The following AGBL4 variants were observed in gnomAD, a reference collection of about 807,000 sequenced individuals.
AGBL4 encodes the protein AGBL carboxypeptidase 4.
In AGBL4, 58 loss-of-function variants were observed where a neutral mutation model predicts 66.4. The observed-to-expected ratio is 0.87, with a 90% CI of 0.71 to 1.09. The LOEUF is 1.09. Among genes scored for constraint, AGBL4 ranks in the 50% least tolerant of loss-of-function variants. The pLI, the probability that AGBL4 is intolerant of heterozygous loss-of-function variation, is 0.00. For missense variants in AGBL4, 579 were observed against 631.0 expected (o/e 0.92, Z 0.88); for synonymous variants, 234 against 222.9 (o/e 1.05, Z -0.44).
chr1:49,779,013 A>G (rs1488687480), intron 2 of AGBL4, among the ~76,000 whole-genome samples: 1 of 152,200 alleles, frequency 6.6e-6, no homozygotes, highest in Non-Finnish European at 1.5e-5. Flanking sequence ...TCAGAGCACT[A>G]CCAAAACATA....
chr1:48,529,713 A>G (rs1284398226), downstream of AGBL4, among the ~76,000 whole-genome samples: 1 of 152,152 alleles, frequency 6.6e-6, no homozygotes, highest in Non-Finnish European at 1.5e-5. Flanking sequence ...CTTATTTCGC[A>G]TACCCCAGAT....
chr1:48,894,314 T>G (rs1264968977), intron 5 of AGBL4, among the ~76,000 whole-genome samples: 1 of 152,176 alleles, frequency 6.6e-6, no homozygotes, highest in Non-Finnish European at 1.5e-5. Flanking sequence ...CAACCTTTCA[T>G]CTAAGATGAA....
At chr1:49,071,037 G>T (rs1244913624) in intron 4 of AGBL4, among the ~76,000 whole-genome samples, 1 of 151,948 alleles carries the variant, frequency 6.6e-6, no homozygotes, top group African/African-American at 2.4e-5. Flanking sequence ...GCATAGAGGT[G>T]TTTATAGTAT....
intron 4 of AGBL4, among the ~76,000 whole-genome samples, chr1:49,159,461 G>T (rs1289674648): frequency 6.6e-6 from 1 of 152,224 alleles, no homozygotes; most frequent in East Asian, 1.9e-4. Context: ...TCCCTTTGTG[G>T]GTAACCCGAC....
chr1:48,598,501 G>T (rs1039173721), intron 9 of AGBL4, among the ~76,000 whole-genome samples: 1 of 152,090 alleles, frequency 6.6e-6, no homozygotes, highest in East Asian at 2.0e-4. Flanking sequence ...ATGAGGCCAG[G>T]CATGGTGGCT....
intron 3 of AGBL4, among the ~76,000 whole-genome samples, chr1:49,336,139 A>C (rs892928201): frequency 6.6e-6 from 1 of 152,178 alleles, no homozygotes; most frequent in Non-Finnish European, 1.5e-5. Context: ...TCCAAGTCTG[A>C]AAACCTGAGA....
At chr1:48,639,551 T>C (rs2148421853) in intron 8 of AGBL4, among the ~76,000 whole-genome samples, 1 of 152,352 alleles carries the variant, frequency 6.6e-6, no homozygotes, top group Non-Finnish European at 1.5e-5. Context: ...TAAGGGACTT[T>C]GGAGAAAGCA....
intron 6 of AGBL4, among the ~76,000 whole-genome samples, chr1:48,769,913 C>G (rs907048187): frequency 6.6e-6 from 1 of 152,210 alleles, no homozygotes; most frequent in Non-Finnish European, 1.5e-5. Flanking sequence ...AAAGCCTGTC[C>G]TCTTTCAGCT....
intron 9 of AGBL4, among the ~76,000 whole-genome samples, chr1:48,618,146 A>T (rs1308020487): frequency 6.6e-6 from 1 of 152,214 alleles, no homozygotes; most frequent in East Asian, 1.9e-4. Context: ...AGATGGGAAG[A>T]TCGCTTGAGC....
intron 4 of AGBL4, among the ~76,000 whole-genome samples, chr1:49,150,832 A>C (rs1646313239): frequency 6.6e-6 from 1 of 152,130 alleles, no homozygotes; most frequent in Non-Finnish European, 1.5e-5. Context: ...CATGTAACTG[A>C]AAGTTTGTTT....
chr1:48,675,317 G>A (rs1646347572), intron 6 of AGBL4, among the ~76,000 whole-genome samples: 2 of 152,176 alleles, frequency 1.3e-5, no homozygotes, highest in Admixed American at 6.5e-5. Flanking sequence ...GCTCAAGGAT[G>A]GGGGAAATTC....
intron 3 of AGBL4, among the ~76,000 whole-genome samples, chr1:49,659,272 C>T (rs1174328633): frequency 6.6e-6 from 1 of 152,056 alleles, no homozygotes; most frequent in Non-Finnish European, 1.5e-5. Flanking sequence ...ACAAGATAAC[C>T]AGTTAGCATC....
At chr1:48,556,054 T>C (rs1299026277) in intron 11 of AGBL4, among the ~76,000 whole-genome samples, 1 of 152,172 alleles carries the variant, frequency 6.6e-6, no homozygotes, top group Non-Finnish European at 1.5e-5. Flanking sequence ...TTTATTTTGC[T>C]ATACCGATGT....
chr1:49,292,298 C>A (rs1570360396), intron 3 of AGBL4, among the ~76,000 whole-genome samples: 1 of 152,196 alleles, frequency 6.6e-6, no homozygotes, highest in Non-Finnish European at 1.5e-5. Flanking sequence ...GCACCTAAAG[C>A]CTGGATGTCA....
intron 2 of AGBL4, among the ~76,000 whole-genome samples, chr1:49,771,329 T>A (rs1322259312): frequency 6.6e-6 from 1 of 152,162 alleles, no homozygotes; most frequent in African/African-American, 2.4e-5. Context: ...CTTGTTGATT[T>A]CTAGTTTTAT....
intron 9 of AGBL4, among the ~76,000 whole-genome samples, chr1:48,605,340 A>T (rs1329852156): frequency 6.6e-6 from 1 of 152,164 alleles, no homozygotes; most frequent in Non-Finnish European, 1.5e-5. Flanking sequence ...CTGATAGGCA[A>T]TCTATGCTTT....
At chr1:49,618,840 C>T (rs1352498065) in intron 3 of AGBL4, among the ~76,000 whole-genome samples, 1 of 152,182 alleles carries the variant, frequency 6.6e-6, no homozygotes, top group African/African-American at 2.4e-5. Flanking sequence ...AAACGTAATA[C>T]ATCACATAAA....
intron 1 of AGBL4, among the ~76,000 whole-genome samples, chr1:49,930,558 T>C (rs1331136740): frequency 6.6e-6 from 1 of 152,012 alleles, no homozygotes; most frequent in African/African-American, 2.4e-5. Context: ...CAAATCCCAC[T>C]ACACAAAAAA....
At chr1:48,863,345 A>G (rs1647669937) in intron 6 of AGBL4, among the ~76,000 whole-genome samples, 1 of 152,174 alleles carries the variant, frequency 6.6e-6, no homozygotes, top group South Asian at 2.1e-4. Flanking sequence ...GGCAGAAAAG[A>G]AATAAAGTGA....
Sources: allele counts gnomAD v4.1 joint callset (sites outside exome capture counted in the v4.1 genomes callset), GRCh38; gene constraint gnomAD v4.1.1; transcripts MANE v1.5; gene names NCBI Gene and HGNC (gene_info 2026-07-23, HGNC 2026-07-21).